ANKIB1: variants seen among roughly 807,000 people sequenced by gnomAD.
ANKIB1 encodes the protein ankyrin repeat and IBR domain-containing protein 1.
A neutral mutation model predicts 122.1 loss-of-function variants in ANKIB1; 43 were observed. That is an observed-to-expected ratio of 0.35 (90% CI 0.28 to 0.45). The LOEUF is 0.45. Ranked by LOEUF, ANKIB1 falls within the 20% of genes least tolerant of loss-of-function variation. ANKIB1 has a pLI of 1.00. For synonymous variants in ANKIB1, 390 were observed against 442.0 expected (o/e 0.88, Z 1.48); for missense variants, 992 against 1,329.5 (o/e 0.75, Z 3.95).
chr7:92,262,253 G>A (rs1398889585), intron 1 of ANKIB1, among the ~76,000 whole-genome samples: 2 of 152,188 alleles, frequency 1.3e-5, no homozygotes, highest in Non-Finnish European at 2.9e-5. Flanking sequence ...ATCTATAGCT[G>A]AAGATGTATG....
intron 9 of ANKIB1, among the ~76,000 whole-genome samples, chr7:92,356,613 G>A (rs1216813375): frequency 1.3e-5 from 2 of 152,206 alleles, no homozygotes; most frequent in African/African-American, 2.4e-5. Flanking sequence ...CTGCCTGTGA[G>A]ACAGCTCTGC....
intron 9 of ANKIB1, among the ~76,000 whole-genome samples, chr7:92,360,312 AT>A (rs1390710892): frequency 2.6e-5 from 4 of 152,176 alleles, no homozygotes; most frequent in Non-Finnish European, 5.9e-5. Context: ...TGTAAGTGGA[AT>A]TCTAGAATAT....
chr7:92,258,995 C>G (rs924007850), intron 1 of ANKIB1, among the ~76,000 whole-genome samples: 1 of 151,714 alleles, frequency 6.6e-6, no homozygotes, highest in Admixed American at 6.6e-5. Context: ...GTTTTATTAC[C>G]CAGGTTGGAG....
intron 9 of ANKIB1, among the ~76,000 whole-genome samples, chr7:92,358,999 C>T (rs1803885201): frequency 6.6e-6 from 1 of 152,166 alleles, no homozygotes; most frequent in African/African-American, 2.4e-5. Context: ...TTAAAATTAA[C>T]AGTTATCACA....
At chr7:92,251,991 C>A (rs1404449753) in intron 1 of ANKIB1, among the ~76,000 whole-genome samples, 1 of 152,016 alleles carries the variant, frequency 6.6e-6, no homozygotes, top group African/African-American at 2.4e-5. Context: ...TAAGTTTATG[C>A]CCTGTATTCT....
chr7:92,341,885 T>G (rs1179761802), intron 5 of ANKIB1, among the ~76,000 whole-genome samples: 1 of 152,204 alleles, frequency 6.6e-6, no homozygotes, highest in African/African-American at 2.4e-5. Flanking sequence ...ATTTTCAGTT[T>G]ACAGTGGATT....
chr7:92,274,582 A>G (rs964870669), intron 1 of ANKIB1, among the ~76,000 whole-genome samples: 6 of 152,154 alleles, frequency 3.9e-5, no homozygotes, highest in Non-Finnish European at 5.9e-5. Flanking sequence ...AAAAAAAGCA[A>G]TGTTTCAGAA....
Position 92,362,254 on chromosome 7 carries a change from C to G in ANKIB1, c.1467C>G (p.Thr489=). Reference sequence around the variant, plus strand: ...GGAAGAATTGGCTGCAAAAAATAACCGAAATGAAACCAGAAGAACGTAAGA... The same window carrying G: ...GGAAGAATTGGCTGCAAAAAATAACGGAAATGAAACCAGAAGAACGTAAGA... ...QTWKNWLQKI[T]EMKPEELVGV... is the part of the protein sequence containing the mutation. The change falls in exon 10 of 20, where the codon ACC becomes ACG. Residue 489 remains threonine, a synonymous_variant. Coordinates refer to ENST00000265742, the MANE Select transcript of ANKIB1 (RefSeq NM_019004.2). 2 of 1,592,186 alleles carry G rather than the reference C, an allele frequency of 1.3e-6. No individual in the cohort carries two copies. Among genetic ancestry groups the G allele is most frequent in the Non-Finnish European group, 8.6e-7 (1 of 1,168,858 alleles).
chr7:92,379,242 T>A (rs1220311668), intron 11 of ANKIB1, among the ~76,000 whole-genome samples: 1 of 151,896 alleles, frequency 6.6e-6, no homozygotes, highest in African/African-American at 2.4e-5. Context: ...TACAAAAAAA[T>A]TTAGCTGGGC....
chr7:92,343,174 C>T lies in ANKIB1; in HGVS notation c.938C>T (p.Ser313Phe), dbSNP rs1442551125. 6.2e-7 allele frequency: 1 copy of T among 1,613,878 alleles called. No individual in the cohort carries two copies. Among genetic ancestry groups the T allele is most frequent in the Non-Finnish European group, 8.5e-7 (1 of 1,179,892 alleles). ...CCAAGAACTCCAAGGACTACACGCT[C>T]TTCTGTCACCTCCCCAGATGAAATC... ...PSPRTPRTTRSSVTSPDEISL... is the reference protein window; with the variant it reads ...PSPRTPRTTRFSVTSPDEISL... Residue 313 changes from serine (S) to phenylalanine (F), a missense_variant, in exon 6 of 20, where the codon TCT becomes TTT. Ser to Phe is a radical substitution (Grantham distance 155). Around this residue, in one of 4 missense-constraint regions of ANKIB1, gnomAD observed 521 missense variants for 777.7 expected, o/e 0.67. Transcript: ENST00000265742.
intron 4 of ANKIB1, among the ~76,000 whole-genome samples, chr7:92,320,724 G>A (rs553664347): frequency 2.6e-5 from 4 of 152,268 alleles, no homozygotes; most frequent in African/African-American, 4.8e-5. Context: ...CTGAGCTACT[G>A]TAATAGTTTC....
At chr7:92,397,106 C>G (rs778732326) in intron 18 of ANKIB1, among the ~76,000 whole-genome samples, 26 of 151,942 alleles carry the variant, frequency 1.7e-4, no homozygotes, top group Admixed American at 3.3e-4. Context: ...AAATGAAAAA[C>G]GTTTATTAGT....
chr7:92,345,014 G>T lies in ANKIB1; in HGVS notation c.1033G>T (p.Asp345Tyr). Residue 345 changes from aspartate (D) to tyrosine (Y), a missense_variant, in exon 7 of 20, where the codon GAC becomes TAC. By Grantham distance (160) the Asp-to-Tyr change is radical (BLOSUM62 -3). Transcript: ENST00000265742. ...ICMCSISVFE[D>Y]PVDMPCGHDF... is the part of the protein sequence containing the mutation. ...TATGTGCAGTATCTCTGTATTTGAA[G>T]ACCCTGTGGATATGCCCTGTGGACA... 6.2e-7 allele frequency: 1 copy of T among 1,613,382 alleles called. No homozygotes were observed. Among genetic ancestry groups the T allele is most frequent in the Non-Finnish European group, 8.5e-7 (1 of 1,179,558 alleles).
At chr7:92,339,678 GAC>G (rs754332537) in intron 5 of ANKIB1, among the ~76,000 whole-genome samples, 21 of 152,174 alleles carry the variant, frequency 1.4e-4, no homozygotes, top group Admixed American at 4.6e-4. Flanking sequence ...CAGTTTGAAA[GAC>G]ATTGCATTTT....
chr7:92,266,086 G>C (rs1801667133), intron 1 of ANKIB1, among the ~76,000 whole-genome samples: 1 of 152,178 alleles, frequency 6.6e-6, no homozygotes, highest in Non-Finnish European at 1.5e-5. Context: ...ATTCCATCAG[G>C]AATCTGAGAA....
intron 1 of ANKIB1, among the ~76,000 whole-genome samples, chr7:92,251,127 TC>T (rs1801321398): frequency 6.6e-6 from 1 of 152,212 alleles, no homozygotes; most frequent in African/African-American, 2.4e-5. Flanking sequence ...TATATTTTTC[TC>T]ACTGAAACAA....
At chr7:92,342,965 CT>C in intron 5 of ANKIB1, 58 bp from the exon 6 acceptor site, 1 of 1,494,306 alleles carries the variant, frequency 6.7e-7, no homozygotes, top group South Asian at 1.1e-5. Flanking sequence ...TATTATATAG[CT>C]TTTATAACAT....
Position 92,295,065 on chromosome 7 carries a change from G to T in ANKIB1, c.87G>T (p.Gln29His). 3.1e-6 allele frequency: 5 copies of T among 1,598,976 alleles called. No individual in the cohort carries two copies. The highest frequency in any genetic ancestry group is 4.3e-6 in the Non-Finnish European group (5 of 1,172,408). The change falls in exon 2 of 20, where the codon CAG (glutamine) becomes CAT (histidine). Residue 29 changes from glutamine to histidine, a missense_variant. Physicochemically the swap from Gln to His is conservative, Grantham distance 24 (BLOSUM62 0). Around this residue, in one of 4 missense-constraint regions of ANKIB1, gnomAD observed 54 missense variants for 112.3 expected, o/e 0.48. Transcript: ENST00000265742. ...LACQIYENNP[Q>H]LKESLDPNTS... ...GCCAAATATATGAAAACAATCCTCAGCTAAAAGAATCTCTTGATCCAAATA... is the reference window on the plus strand; with the variant it reads ...GCCAAATATATGAAAACAATCCTCATCTAAAAGAATCTCTTGATCCAAATA...
chr7:92,341,264 C>T (rs966451071), intron 5 of ANKIB1, among the ~76,000 whole-genome samples: 1 of 149,336 alleles, frequency 6.7e-6, no homozygotes, highest in African/African-American at 2.5e-5. Context: ...GAGCCAAGAT[C>T]ATGCCGTTGC....
Sources: allele counts gnomAD v4.1 joint callset (sites outside exome capture counted in the v4.1 genomes callset), GRCh38; gene constraint gnomAD v4.1.1; regional missense constraint gnomAD v4.1.1; transcripts MANE v1.5; gene names NCBI Gene and HGNC (gene_info 2026-07-23, HGNC 2026-07-21).